The following DENND1A variants were observed in gnomAD, a reference collection of about 807,000 sequenced individuals.
DENND1A encodes DENN domain-containing protein 1A.
DENND1A carries 51 observed loss-of-function variants against 113.7 expected under a neutral mutation model. That is an observed-to-expected ratio of 0.45 (90% CI 0.36 to 0.57). The LOEUF (loss-of-function observed/expected upper bound fraction) is 0.57. DENND1A is among the 20% of genes least tolerant of loss of function. The pLI, the probability that DENND1A is intolerant of heterozygous loss-of-function variation, is 0.00. For synonymous variants in DENND1A, 565 were observed against 570.8 expected, an observed-to-expected ratio of 0.99 and a Z score of 0.14; for missense variants, 1,258 against 1,395.9, an observed-to-expected ratio of 0.90 and a Z score of 1.57.
chr9:123,690,986 T>C (rs924180459), intron 5 of DENND1A, among the ~76,000 whole-genome samples: 3 of 152,198 alleles, frequency 2.0e-5, no homozygotes, highest in Non-Finnish European at 2.9e-5. Flanking sequence ...TAATAAGGTT[T>C]TCAGTGACCT....
At chr9:123,511,439 C>T (rs2134563056) in intron 13 of DENND1A, among the ~76,000 whole-genome samples, 1 of 152,372 alleles carries the variant, frequency 6.6e-6, no homozygotes, top group South Asian at 2.1e-4. Context: ...CGGGACTAGA[C>T]TGTGCTGGGA....
intron 11 of DENND1A, among the ~76,000 whole-genome samples, chr9:123,607,951 A>C (rs1297551160): frequency 6.6e-6 from 1 of 152,160 alleles, no homozygotes; most frequent in East Asian, 1.9e-4. Flanking sequence ...CAAACTCTAC[A>C]GCAATTGGCA....
At chr9:123,582,860 G>C (rs1425437451) in intron 12 of DENND1A, among the ~76,000 whole-genome samples, 1 of 151,832 alleles carries the variant, frequency 6.6e-6, no homozygotes, top group Non-Finnish European at 1.5e-5. Flanking sequence ...CACCATGCCT[G>C]GCTAATTTTT....
chr9:123,618,979 G>C (rs774489813), intron 10 of DENND1A, among the ~76,000 whole-genome samples: 34 of 152,056 alleles, frequency 2.2e-4, no homozygotes, highest in Non-Finnish European at 4.4e-4. Context: ...ACAGAGTCTC[G>C]TTCTGTCACC....
Position 123,381,646 on chromosome 9 carries a change from C to T in DENND1A, c.2999G>A (p.Gly1000Glu), listed in dbSNP as rs973757286. ...SSARAAETKQ[G>E]LALRPGDPPL... ...GGGGTCTCCAGGCCTCAGGGCCAGCCCCTGCTTGGTCTCAGCAGCCCTGGC... is the reference window on the plus strand; with the variant it reads ...GGGGTCTCCAGGCCTCAGGGCCAGCTCCTGCTTGGTCTCAGCAGCCCTGGC... Residue 1000 changes from glycine (G) to glutamate (E), a missense_variant, in exon 24 of 24, where the codon GGG becomes GAG. Physicochemically the swap from Gly to Glu is moderately conservative, Grantham distance 98. Transcript: ENST00000394215. This position sits in a 1 kb window ranked among gnomAD's most constrained non-coding sequence, Gnocchi z 4.7. The T allele has an allele frequency of 6.2e-7, 1 of 1,608,850 alleles. No homozygotes were observed. Among genetic ancestry groups the T allele is most frequent in the Non-Finnish European group, 8.5e-7 (1 of 1,177,966 alleles).
chr9:123,535,465 G>C (rs1395148820), intron 13 of DENND1A, among the ~76,000 whole-genome samples: 1 of 151,334 alleles, frequency 6.6e-6, no homozygotes, highest in Non-Finnish European at 1.5e-5. Flanking sequence ...CCCAACGATT[G>C]AAACTCTCTT....
chr9:123,674,176 A>T (rs907569974), intron 6 of DENND1A, among the ~76,000 whole-genome samples: 4 of 152,132 alleles, frequency 2.6e-5, no homozygotes, highest in Non-Finnish European at 5.9e-5. Context: ...TCCCTGGCTC[A>T]GATGCCTGCC....
chr9:123,729,099 A>G (rs2067966741), intron 5 of DENND1A, among the ~76,000 whole-genome samples: 1 of 152,228 alleles, frequency 6.6e-6, no homozygotes, highest in African/African-American at 2.4e-5. Flanking sequence ...TAAACTAGAT[A>G]TTGATGGAAT....
At chr9:123,536,165 G>A (rs1224487875) in intron 13 of DENND1A, among the ~76,000 whole-genome samples, 1 of 152,176 alleles carries the variant, frequency 6.6e-6, no homozygotes, top group East Asian at 1.9e-4. Context: ...TGCACTGACA[G>A]ACCTCAGCAC....
intron 21 of DENND1A, chr9:123,401,957 AG>A: frequency 1.9e-6 from 3 of 1,613,938 alleles, no homozygotes; most frequent in Non-Finnish European, 2.5e-6. Flanking sequence ...CAATATCAAC[AG>A]GCCTGTGACC....
intron 10 of DENND1A, among the ~76,000 whole-genome samples, chr9:123,616,236 T>G (rs559655076): frequency 2.0e-5 from 3 of 152,186 alleles, no homozygotes; most frequent in African/African-American, 7.2e-5. Context: ...GGCCATTTTA[T>G]AGACTTAAAA....
intron 20 of DENND1A, among the ~76,000 whole-genome samples, chr9:123,404,297 G>C (rs2043755274): frequency 6.6e-6 from 1 of 152,140 alleles, no homozygotes; most frequent in Non-Finnish European, 1.5e-5. Context: ...GAATTTCTAG[G>C]TGCCCTTAGA....
intron 3 of DENND1A, among the ~76,000 whole-genome samples, chr9:123,771,550 C>A (rs1033422667): frequency 6.6e-6 from 1 of 152,174 alleles, no homozygotes; most frequent in Non-Finnish European, 1.5e-5. Flanking sequence ...GTGCAGAAAG[C>A]ACTTCTCTAC....
At chr9:123,775,784 A>G (rs749398749) in intron 3 of DENND1A, among the ~76,000 whole-genome samples, 1 of 152,168 alleles carries the variant, frequency 6.6e-6, no homozygotes, top group Non-Finnish European at 1.5e-5. Context: ...TGACTTGGAC[A>G]TTACACGGGA....
chr9:123,574,340 G>A (rs1368106421), intron 12 of DENND1A, among the ~76,000 whole-genome samples: 8 of 151,796 alleles, frequency 5.3e-5, no homozygotes, highest in Non-Finnish European at 1.0e-4. Flanking sequence ...AATTCACCAG[G>A]GAGGCTCTCT....
intron 11 of DENND1A, among the ~76,000 whole-genome samples, chr9:123,589,682 C>A (rs914569253): frequency 2.0e-5 from 3 of 146,710 alleles, no homozygotes; most frequent in Non-Finnish European, 4.5e-5. Context: ...AACTGACATG[C>A]ACACTGGCTT....
intron 2 of DENND1A, among the ~76,000 whole-genome samples, chr9:123,810,549 C>CAAAAAAAAA (rs1159557273): frequency 3.2e-4 from 15 of 46,290 alleles, no homozygotes; most frequent in East Asian, 1.3e-3. Flanking sequence ...CATGTCTCTA[C>CAAAAAAAAA]AAAAAAAAAA....
chr9:123,663,770 T>C (rs1209861902), intron 8 of DENND1A, among the ~76,000 whole-genome samples: 1 of 152,024 alleles, frequency 6.6e-6, no homozygotes, highest in Non-Finnish European at 1.5e-5. Flanking sequence ...ATGTTCAGCG[T>C]ACATTGTTAC....
intron 21 of DENND1A, among the ~76,000 whole-genome samples, chr9:123,390,823 G>A (rs909054421): frequency 7.9e-5 from 12 of 152,376 alleles, no homozygotes; most frequent in Non-Finnish European, 1.3e-4. Flanking sequence ...GCCAAATGGA[G>A]GGAGGCTCTC....
Sources: allele counts gnomAD v4.1 joint callset (sites outside exome capture counted in the v4.1 genomes callset), GRCh38; gene constraint gnomAD v4.1.1; non-coding constraint Gnocchi (gnomAD v3.1); transcripts MANE v1.5; gene names NCBI Gene and HGNC (gene_info 2026-07-23, HGNC 2026-07-21).